PTPRM: variants seen among roughly 807,000 people sequenced by gnomAD.
PTPRM encodes receptor-type tyrosine-protein phosphatase mu.
In PTPRM, 47 loss-of-function variants were observed where a neutral mutation model predicts 186.7. That is an observed-to-expected ratio of 0.25 (90% CI 0.20 to 0.32). PTPRM has a LOEUF of 0.32. Among genes scored for constraint, PTPRM ranks in the 10% least tolerant of loss-of-function variants. The pLI, the probability that PTPRM is intolerant of heterozygous loss-of-function variation, is 1.00. For missense variants in PTPRM, 1,494 were observed against 1,865.0 expected (o/e 0.80, Z 3.66); for synonymous variants, 668 against 674.9 (o/e 0.99, Z 0.16).
chr18:8,074,831 C>A (rs116544635), intron 8 of PTPRM, among the ~76,000 whole-genome samples: 2 of 152,088 alleles, frequency 1.3e-5, no homozygotes, highest in East Asian at 1.9e-4. Flanking sequence ...TATGCAGAAG[C>A]CTTCTCCCAT....
At chr18:7,917,397 G>A (rs1251515135) in intron 4 of PTPRM, among the ~76,000 whole-genome samples, 24 of 152,098 alleles carry the variant, frequency 1.6e-4, no homozygotes, top group South Asian at 2.1e-4. Flanking sequence ...TTAGCCAGGC[G>A]TGGTGGCAGG....
At chr18:7,861,874 A>G (rs1337793769) in intron 2 of PTPRM, among the ~76,000 whole-genome samples, 2 of 152,174 alleles carry the variant, frequency 1.3e-5, no homozygotes, top group Non-Finnish European at 2.9e-5. Flanking sequence ...CAAAGTAGAC[A>G]TGGATATGTA....
chr18:8,205,917 G>A (rs1247893038), intron 14 of PTPRM, among the ~76,000 whole-genome samples: 1 of 152,148 alleles, frequency 6.6e-6, no homozygotes, highest in African/African-American at 2.4e-5. Flanking sequence ...TATTTGGAGT[G>A]CCCGGTGATT....
intron 22 of PTPRM, among the ~76,000 whole-genome samples, chr18:8,337,780 G>T (rs141150509): frequency 1.3e-5 from 2 of 152,170 alleles, no homozygotes; most frequent in African/African-American, 2.4e-5. Flanking sequence ...GCGGGAGGAC[G>T]CTGGGAAGGA....
chr18:7,805,093 G>A (rs1323739597), intron 2 of PTPRM, among the ~76,000 whole-genome samples: 5 of 152,152 alleles, frequency 3.3e-5, no homozygotes, highest in African/African-American at 9.6e-5. Context: ...GTCACTCTTC[G>A]TCTTTATCCT....
At chr18:7,609,989 A>G (rs1428684402) in intron 1 of PTPRM, among the ~76,000 whole-genome samples, 1 of 152,156 alleles carries the variant, frequency 6.6e-6, no homozygotes, top group African/African-American at 2.4e-5. Flanking sequence ...TAGTAGTGGG[A>G]ATTGGAAGGC....
chr18:7,891,704 A>G (rs939402449), intron 3 of PTPRM, among the ~76,000 whole-genome samples: 1 of 151,956 alleles, frequency 6.6e-6, no homozygotes, highest in Non-Finnish European at 1.5e-5. Flanking sequence ...GTGAAACCCC[A>G]TCTTTACTAA....
intron 1 of PTPRM, chr18:7,749,316 G>T (rs1390062251): frequency 6.6e-6 from 1 of 151,136 alleles, no homozygotes; most frequent in Non-Finnish European, 1.5e-5. Context: ...ACTGCAAGTT[G>T]TGAGTTAAAA....
intron 1 of PTPRM, among the ~76,000 whole-genome samples, chr18:7,576,353 G>A (rs1598441209): frequency 6.6e-6 from 1 of 152,274 alleles, no homozygotes; most frequent in East Asian, 1.9e-4. Context: ...GGGAGTCTGA[G>A]GCCCCATTAC....
chr18:7,952,069 C>T (rs115126729), intron 6 of PTPRM, among the ~76,000 whole-genome samples: 3,285 of 152,244 alleles, frequency 0.022, 45 homozygotes, highest in African/African-American at 0.044. Context: ...ATATAATCTC[C>T]ACAATGCATG....
intron 7 of PTPRM, among the ~76,000 whole-genome samples, chr18:7,984,987 T>TTG (rs2082818290): frequency 1.7e-5 from 2 of 119,246 alleles, no homozygotes; most frequent in African/African-American, 7.0e-5. Flanking sequence ...ATACATATAA[T>TTG]TATATACATA....
intron 14 of PTPRM, among the ~76,000 whole-genome samples, chr18:8,218,591 G>C (rs1017426712): frequency 3.3e-5 from 5 of 152,114 alleles, no homozygotes; most frequent in African/African-American, 1.2e-4. Context: ...TGCACTCTTG[G>C]GGGACAAGGG....
At chr18:8,100,141 T>C (rs2091223370) in intron 11 of PTPRM, among the ~76,000 whole-genome samples, 2 of 151,866 alleles carry the variant, frequency 1.3e-5, no homozygotes, top group Non-Finnish European at 2.9e-5. Flanking sequence ...TGTGTGTGTG[T>C]GTGTGTGTAT....
At chr18:7,941,502 T>A (rs949762573) in intron 5 of PTPRM, among the ~76,000 whole-genome samples, 3 of 152,248 alleles carry the variant, frequency 2.0e-5, no homozygotes, top group African/African-American at 7.2e-5. Context: ...TTTTTATTGA[T>A]GTTTATCTTG....
chr18:8,175,314 A>G (rs896361887), intron 14 of PTPRM, among the ~76,000 whole-genome samples: 1 of 152,182 alleles, frequency 6.6e-6, no homozygotes, highest in Non-Finnish European at 1.5e-5. Flanking sequence ...AAAATAAGGA[A>G]GTGATGTTTG....
At chr18:8,324,424 T>A (rs2092286642) in intron 22 of PTPRM, among the ~76,000 whole-genome samples, 1 of 152,172 alleles carries the variant, frequency 6.6e-6, no homozygotes. Context: ...TTATAATATA[T>A]TAGAAAATGC....
intron 17 of PTPRM, chr18:8,248,414 T>A: frequency 1.7e-6 from 1 of 588,276 alleles, no homozygotes; most frequent in Admixed American, 2.6e-5. Context: ...CAGGTTCAAA[T>A]GAACAATCTC....
At chr18:7,964,568 T>G (rs1237583479) in intron 7 of PTPRM, among the ~76,000 whole-genome samples, 1 of 152,224 alleles carries the variant, frequency 6.6e-6, no homozygotes, top group Non-Finnish European at 1.5e-5. Context: ...GGTCACCTGG[T>G]GGCTCCCGAA....
chr18:7,957,883 A>G (rs923538575), intron 7 of PTPRM, among the ~76,000 whole-genome samples: 3 of 152,220 alleles, frequency 2.0e-5, no homozygotes, highest in African/African-American at 7.2e-5. Flanking sequence ...GTTTGTGAGC[A>G]TTTAGAGTAC....
Sources: gnomAD v4.1 joint callset for allele counts (sites outside exome capture counted in the v4.1 genomes callset) on GRCh38, gnomAD v4.1.1 for gene constraint, MANE v1.5 for transcripts, NCBI Gene and HGNC (gene_info 2026-07-23, HGNC 2026-07-21) for gene names.